GRIN2B: variants seen among roughly 807,000 people sequenced by gnomAD.
The protein encoded by GRIN2B is glutamate receptor ionotropic, NMDA 2B.
A neutral mutation model predicts 114.5 loss-of-function variants in GRIN2B; 5 were observed. The ratio of observed to expected loss-of-function variants is 0.04; its 90% CI spans 0.02 to 0.09. The LOEUF is 0.09. GRIN2B is among the 10% of genes least tolerant of loss of function. The pLI, the probability that GRIN2B is intolerant of heterozygous loss-of-function variation, is 1.00. For missense variants in GRIN2B, 1,108 were observed against 1,943.5 expected (o/e 0.57, Z 8.08); for synonymous variants, 787 against 745.1 (o/e 1.06, Z -0.92).
chr12:13,867,394 C>T (rs1865845005), intron 2 of GRIN2B, among the ~76,000 whole-genome samples: 1 of 152,118 alleles, frequency 6.6e-6, no homozygotes, highest in African/African-American at 2.4e-5. Flanking sequence ...TCTCCAAGAG[C>T]TCCTCTTATT....
intron 5 of GRIN2B, among the ~76,000 whole-genome samples, chr12:13,661,944 T>C (rs1949927775): frequency 1.3e-5 from 2 of 152,182 alleles, no homozygotes; most frequent in South Asian, 4.1e-4. Flanking sequence ...ACCTTTCCTA[T>C]ACACCCTCAC....
chr12:13,725,730 T>C (rs781638731), intron 4 of GRIN2B, among the ~76,000 whole-genome samples: 1 of 152,128 alleles, frequency 6.6e-6, no homozygotes, highest in Non-Finnish European at 1.5e-5. Context: ...TAACAAGAAA[T>C]GGAGCAATTT....
At chr12:13,604,100 T>C (rs997652287) in intron 10 of GRIN2B, among the ~76,000 whole-genome samples, 1 of 152,108 alleles carries the variant, frequency 6.6e-6, no homozygotes, top group African/African-American at 2.4e-5. Context: ...GTGAGAAATA[T>C]GAGAATGCAT....
chr12:13,819,689 C>T (rs1864896185), intron 3 of GRIN2B, among the ~76,000 whole-genome samples: 1 of 152,150 alleles, frequency 6.6e-6, no homozygotes, highest in African/African-American at 2.4e-5. Context: ...ATTAAGACTA[C>T]AAACAGTTTT....
intron 2 of GRIN2B, among the ~76,000 whole-genome samples, chr12:13,907,222 G>A (rs150711232): frequency 1.2e-3 from 190 of 152,338 alleles, no homozygotes; most frequent in African/African-American, 4.4e-3. Flanking sequence ...CGGGCGTGGT[G>A]GCTCATGCCT....
At chr12:13,775,529 G>C (rs6488620) in intron 3 of GRIN2B, among the ~76,000 whole-genome samples, 69,941 of 152,084 alleles carry the variant, frequency 0.46, 16,325 homozygotes, top group African/African-American at 0.51. Flanking sequence ...TTTGTTTGCA[G>C]TTCTCTGTCT....
intron 5 of GRIN2B, among the ~76,000 whole-genome samples, chr12:13,657,932 A>T (rs1188135328): frequency 6.6e-6 from 1 of 152,186 alleles, no homozygotes; most frequent in Non-Finnish European, 1.5e-5. Context: ...TAGGCTGGGC[A>T]CAGTGGCTTA....
intron 3 of GRIN2B, among the ~76,000 whole-genome samples, chr12:13,819,411 C>T (rs1358914425): frequency 6.6e-6 from 1 of 152,178 alleles, no homozygotes; most frequent in African/African-American, 2.4e-5. Flanking sequence ...AGGTTCTATG[C>T]ATCTTCAAGA....
At position 13,611,737 on chromosome 12, in the gene GRIN2B, C is replaced by T. The variant is rs145021339; in HGVS notation, c.1768G>A (p.Ala590Thr). 272 of 1,613,806 alleles carry T rather than the reference C, an allele frequency of 1.7e-4. No homozygotes were observed. The highest frequency in any genetic ancestry group is 2.2e-4 in the Non-Finnish European group (256 of 1,179,732). Residue 590 changes from alanine to threonine, a missense_variant, in exon 9 of 14, where the codon GCT becomes ACT. Ala to Thr is a moderately conservative substitution (Grantham distance 58). This residue lies in a region of GRIN2B where 24 missense variants were observed against 38.1 expected (regional missense o/e 0.63). Transcript: ENST00000609686. ...FSPVGYNRCL[A>T]DGREPGGPSF... Reference sequence around the variant, plus strand: ...CAGCCGGCCTTACCTCTGCCATCAGCGAGGCACCTGTTATAACCCACAGGG... The same window carrying T: ...CAGCCGGCCTTACCTCTGCCATCAGTGAGGCACCTGTTATAACCCACAGGG...
intron 2 of GRIN2B, among the ~76,000 whole-genome samples, chr12:13,907,633 T>C (rs1235714304): frequency 6.6e-6 from 1 of 152,182 alleles, no homozygotes; most frequent in Non-Finnish European, 1.5e-5. Context: ...GGAATGGTAT[T>C]GACTGGAAAT....
At chr12:13,954,687 C>A (rs1867553524) in intron 2 of GRIN2B, among the ~76,000 whole-genome samples, 2 of 151,308 alleles carry the variant, frequency 1.3e-5, no homozygotes, top group African/African-American at 4.9e-5. Context: ...TGGTGCACAC[C>A]TGTAATCGCA....
chr12:13,695,832 GA>G (rs1950254704), intron 4 of GRIN2B, among the ~76,000 whole-genome samples: 1 of 152,102 alleles, frequency 6.6e-6, no homozygotes, highest in African/African-American at 2.4e-5. Context: ...GTAGATAAGG[GA>G]AACAATGCAA....
chr12:13,793,433 AC>A (rs67969596), intron 3 of GRIN2B, among the ~76,000 whole-genome samples: 388 of 151,128 alleles, frequency 2.6e-3, no homozygotes, highest in African/African-American at 8.1e-3. Flanking sequence ...AAAAAAAAAA[AC>A]GTTATTCAAC....
chr12:13,914,119 C>T (rs756513036), intron 2 of GRIN2B, among the ~76,000 whole-genome samples: 12 of 152,252 alleles, frequency 7.9e-5, no homozygotes, highest in Admixed American at 2.6e-4. Context: ...TGGTTGAGCA[C>T]GATCCAGGCT....
At chr12:13,895,936 GA>G (rs1183074486) in intron 2 of GRIN2B, among the ~76,000 whole-genome samples, 2 of 152,074 alleles carry the variant, frequency 1.3e-5, no homozygotes, top group African/African-American at 2.4e-5. Flanking sequence ...ACACTTTGCA[GA>G]ATAACTAAAC....
chr12:13,787,033 T>C (rs1864234621), intron 3 of GRIN2B, among the ~76,000 whole-genome samples: 1 of 152,232 alleles, frequency 6.6e-6, no homozygotes, highest in African/African-American at 2.4e-5. Flanking sequence ...TGCTGCTTTC[T>C]GTTCAGCTTC....
At chr12:13,788,033 C>G (rs1299049824) in intron 3 of GRIN2B, among the ~76,000 whole-genome samples, 1 of 152,168 alleles carries the variant, frequency 6.6e-6, no homozygotes, top group African/African-American at 2.4e-5. Context: ...ACCTTAAGAC[C>G]TTTTGGGACT....
intron 3 of GRIN2B, among the ~76,000 whole-genome samples, chr12:13,837,950 A>C (rs1360109029): frequency 2.6e-5 from 4 of 152,212 alleles, no homozygotes; most frequent in Non-Finnish European, 5.9e-5. Context: ...AACAAATGCA[A>C]ATAAATATTA....
intron 2 of GRIN2B, among the ~76,000 whole-genome samples, chr12:13,872,591 C>T (rs1239546532): frequency 6.6e-6 from 1 of 151,998 alleles, no homozygotes; most frequent in Non-Finnish European, 1.5e-5. Flanking sequence ...AAATAATTCA[C>T]CACATTAAAG....
Sources: allele counts gnomAD v4.1 joint callset (sites outside exome capture counted in the v4.1 genomes callset), GRCh38; gene constraint gnomAD v4.1.1; regional missense constraint gnomAD v4.1.1; transcripts MANE v1.5; gene names NCBI Gene and HGNC (gene_info 2026-07-23, HGNC 2026-07-21).